GABBR2: variants seen among roughly 807,000 people sequenced by gnomAD.
GABBR2 encodes gamma-aminobutyric acid type B receptor subunit 2, also known as G-protein coupled receptor 51.
GABBR2 carries 23 observed loss-of-function variants against 105.6 expected under a neutral mutation model. The ratio of observed to expected loss-of-function variants is 0.22; its 90% CI spans 0.16 to 0.31. The LOEUF (loss-of-function observed/expected upper bound fraction) is 0.31, where lower values mean the gene tolerates loss of function less well. Ranked by LOEUF, GABBR2 falls within the 10% of genes least tolerant of loss-of-function variation. The pLI is 1.00. For synonymous variants in GABBR2, 478 were observed against 499.7 expected, an observed-to-expected ratio of 0.96 and a Z score of 0.58; for missense variants, 734 against 1,245.5, an observed-to-expected ratio of 0.59 and a Z score of 6.18.
In GABBR2 at chr9:98,469,141, A is replaced by T. The variant is rs148892496; in HGVS notation, c.999+4005T>A. ...CATTCTCACACTGCTATAAAGAACC[A>T]CCTGAGACAGGGTAATTTATAAAGC... On this transcript the variant is annotated intron_variant, in intron 6 of 18. Transcript: ENST00000259455. Among the ~76,000 whole-genome samples the T allele has an allele frequency of 9.2e-4, 140 of 152,316 alleles. 4 individuals carry two copies. In the East Asian group the frequency reaches 0.02, roughly 21 times the overall value.
chr9:98,563,652 T>C (rs992955553), intron 2 of GABBR2, among the ~76,000 whole-genome samples: 2 of 152,216 alleles, frequency 1.3e-5, no homozygotes, highest in African/African-American at 4.8e-5. Context: ...AAGACAGTAC[T>C]ATGTAATAGC....
At chr9:98,613,743 A>G (rs909586841) in intron 1 of GABBR2, among the ~76,000 whole-genome samples, 8 of 152,258 alleles carry the variant, frequency 5.3e-5, no homozygotes, top group African/African-American at 1.9e-4. Context: ...AGACATTTTA[A>G]GACATCCAAA....
intron 6 of GABBR2, among the ~76,000 whole-genome samples, chr9:98,468,952 C>T (rs1339662310): frequency 1.3e-5 from 2 of 152,182 alleles, no homozygotes; most frequent in East Asian, 3.8e-4. Context: ...GGAGTCCTGG[C>T]TTCAAGTCCT....
intron 11 of GABBR2, among the ~76,000 whole-genome samples, chr9:98,383,663 G>A (rs912188367): frequency 1.3e-5 from 2 of 152,180 alleles, no homozygotes; most frequent in African/African-American, 4.8e-5. Context: ...AAATGTATCT[G>A]TAGACCTCTC....
chr9:98,405,615 C>T (rs1832476627), intron 8 of GABBR2, among the ~76,000 whole-genome samples: 1 of 152,132 alleles, frequency 6.6e-6, no homozygotes, highest in South Asian at 2.1e-4. Context: ...ATTCCAAAAT[C>T]CCCCAACGAC....
chr9:98,479,793 C>T (rs1027231247), intron 5 of GABBR2, among the ~76,000 whole-genome samples: 2 of 152,184 alleles, frequency 1.3e-5, no homozygotes, highest in Non-Finnish European at 2.9e-5. Context: ...GCACTGTGCT[C>T]ATGCTGATGA....
intron 13 of GABBR2, among the ~76,000 whole-genome samples, chr9:98,328,071 CT>C (rs1264970445): frequency 1.6e-5 from 2 of 122,070 alleles, no homozygotes; most frequent in Non-Finnish European, 1.9e-5. Flanking sequence ...TGGATATTGG[CT>C]TTTAGGATAA....
chr9:98,638,900 C>T (rs192349062), intron 1 of GABBR2, among the ~76,000 whole-genome samples: 24 of 152,360 alleles, frequency 1.6e-4, no homozygotes, highest in African/African-American at 5.8e-4. Context: ...TGCACACTTA[C>T]ACATAGACAT....
intron 11 of GABBR2, among the ~76,000 whole-genome samples, chr9:98,373,945 T>C (rs988866120): frequency 2.8e-5 from 4 of 141,226 alleles, no homozygotes; most frequent in African/African-American, 1.0e-4. Context: ...TCAGCCTCCA[T>C]CTCCAGAGCT....
intron 12 of GABBR2, among the ~76,000 whole-genome samples, chr9:98,368,996 T>C (rs1207998677): frequency 6.6e-6 from 1 of 152,212 alleles, no homozygotes; most frequent in Non-Finnish European, 1.5e-5. Context: ...GGTCCCCAAC[T>C]TTGGCAGTAT....
At chr9:98,291,148 A>G (rs936773821) in intron 18 of GABBR2, among the ~76,000 whole-genome samples, 1 of 152,200 alleles carries the variant, frequency 6.6e-6, no homozygotes, top group Non-Finnish European at 1.5e-5. Flanking sequence ...CCTACCAAAT[A>G]TCCTAGCTGA....
At chr9:98,430,157 G>A (rs62574618) in intron 7 of GABBR2, among the ~76,000 whole-genome samples, 9,679 of 152,048 alleles carry the variant, frequency 0.064, 552 homozygotes, top group African/African-American at 0.16. Context: ...GGGCTTGGTG[G>A]TGCACATCTG....
At chr9:98,690,995 C>T (rs1394565761) in intron 1 of GABBR2, among the ~76,000 whole-genome samples, 1 of 152,230 alleles carries the variant, frequency 6.6e-6, no homozygotes, top group East Asian at 1.9e-4. Flanking sequence ...CACTGCTTCC[C>T]TTCATCAAGA....
At chr9:98,471,616 A>T (rs527303349) in intron 6 of GABBR2, among the ~76,000 whole-genome samples, 188 of 152,324 alleles carry the variant, frequency 1.2e-3, no homozygotes, top group African/African-American at 4.3e-3. Context: ...GTAGTGTCTC[A>T]TGGCTCTCAT....
intron 1 of GABBR2, among the ~76,000 whole-genome samples, chr9:98,678,443 C>CTGG (rs1830501715): frequency 6.6e-6 from 1 of 152,182 alleles, no homozygotes; most frequent in Admixed American, 6.6e-5. Context: ...CGCTGGAAAG[C>CTGG]CTGCCCCTGC....
intron 2 of GABBR2, among the ~76,000 whole-genome samples, chr9:98,550,231 C>T (rs552104941): frequency 9.2e-5 from 14 of 152,214 alleles, no homozygotes; most frequent in African/African-American, 3.1e-4. Flanking sequence ...ATAAGAAAAC[C>T]GAGGCTTAGA....
intron 1 of GABBR2, among the ~76,000 whole-genome samples, chr9:98,612,497 T>C (rs999855477): frequency 6.6e-6 from 1 of 152,192 alleles, no homozygotes; most frequent in African/African-American, 2.4e-5. Flanking sequence ...CACAGTTATG[T>C]ACATTCTAAT....
In GABBR2 at chr9:98,338,024, A is replaced by G. The variant is rs188195697; in HGVS notation, c.1893+24691T>C. Among the ~76,000 whole-genome samples the G allele has an allele frequency of 1.4e-3, 206 of 152,332 alleles. 1 individual carries two copies. The highest frequency in any genetic ancestry group is 6.8e-3 in the Middle Eastern group (2 of 294). ...GCGACAGAGTGAAACTCCGTCTCGAAAAAACCAAAACAAACAAGTGGTGCT... is the reference window on the plus strand; with the variant it reads ...GCGACAGAGTGAAACTCCGTCTCGAGAAAACCAAAACAAACAAGTGGTGCT... On this transcript the variant is annotated intron_variant, in intron 13 of 18. Coordinates refer to ENST00000259455, the MANE Select transcript of GABBR2 (RefSeq NM_005458.8).
At chr9:98,314,657 C>T (rs911321575) in intron 13 of GABBR2, among the ~76,000 whole-genome samples, 3 of 152,198 alleles carry the variant, frequency 2.0e-5, no homozygotes, top group African/African-American at 7.2e-5. Context: ...GCCTTCTCCT[C>T]CTGGACCTCC....
Sources: gnomAD v4.1 joint callset for allele counts (sites outside exome capture counted in the v4.1 genomes callset) on GRCh38, gnomAD v4.1.1 for gene constraint, MANE v1.5 for transcripts, NCBI Gene and HGNC (gene_info 2026-07-23, HGNC 2026-07-21) for gene names.